The following NPEPPS variants were observed in gnomAD, a reference collection of about 807,000 sequenced individuals.
The protein encoded by NPEPPS is puromycin-sensitive aminopeptidase.
NPEPPS carries 14 observed loss-of-function variants against 115.5 expected under a neutral mutation model. The ratio of observed to expected loss-of-function variants is 0.12; its 90% confidence interval spans 0.08 to 0.19. The LOEUF is 0.19. Among genes scored for constraint, NPEPPS ranks in the 10% least tolerant of loss-of-function variants. The pLI is 1.00. For synonymous variants in NPEPPS, 285 were observed against 390.6 expected (o/e 0.73, Z 3.19); for missense variants, 523 against 1,110.8 (o/e 0.47, Z 7.52).
intron 18 of NPEPPS, 33 bp downstream of exon 18, chr17:47,612,635 A>G: frequency 1.3e-6 from 2 of 1,550,320 alleles, no homozygotes; most frequent in Middle Eastern, 1.8e-4. Flanking sequence ...CTTGACTTAT[A>G]GGTAACATCA....
At chr17:47,563,951 T>G (rs1910625053) in intron 2 of NPEPPS, among the ~76,000 whole-genome samples, 1 of 152,068 alleles carries the variant, frequency 6.6e-6, no homozygotes, top group Admixed American at 6.6e-5. Context: ...TTTTTTTCTT[T>G]GAGATGGAGT....
chr17:47,604,714 T>A (rs1198167239), intron 16 of NPEPPS, among the ~76,000 whole-genome samples: 2 of 152,248 alleles, frequency 1.3e-5, no homozygotes, highest in African/African-American at 4.8e-5. Flanking sequence ...AAACCTCACA[T>A]CTGCTGATCT....
At chr17:47,611,013 C>G (rs896246322) in intron 17 of NPEPPS, among the ~76,000 whole-genome samples, 1 of 151,312 alleles carries the variant, frequency 6.6e-6, no homozygotes, top group African/African-American at 2.4e-5. Context: ...GCCACTACAC[C>G]TGGCTAATTT....
chr17:47,613,590 G>T (rs1018814624), intron 18 of NPEPPS, 79 bp from the exon 19 acceptor site: 5 of 1,203,658 alleles, frequency 4.2e-6, no homozygotes, highest in Non-Finnish European at 6.1e-6. Flanking sequence ...TTGTTTACTT[G>T]CTTTCTGTCT....
chr17:47,538,625 G>A (rs949349377), intron 1 of NPEPPS, among the ~76,000 whole-genome samples: 2 of 151,142 alleles, frequency 1.3e-5, no homozygotes, highest in Admixed American at 1.3e-4. Flanking sequence ...CGCCTCCCGG[G>A]TTTAAGCGAT....
chr17:47,565,442 G>A (rs1823280295), intron 2 of NPEPPS, among the ~76,000 whole-genome samples: 2 of 146,824 alleles, frequency 1.4e-5, no homozygotes, highest in African/African-American at 5.2e-5. Flanking sequence ...GGAGGCGGAG[G>A]TTGCAGTGAG....
intron 19 of NPEPPS, among the ~76,000 whole-genome samples, chr17:47,615,153 C>G (rs1163809771): frequency 6.8e-6 from 1 of 147,742 alleles, no homozygotes; most frequent in Non-Finnish European, 1.5e-5. Flanking sequence ...TCTTGGCTCA[C>G]TGCAACCTCT....
At chr17:47,558,573 G>A (rs1273171754) in intron 2 of NPEPPS, among the ~76,000 whole-genome samples, 1 of 151,026 alleles carries the variant, frequency 6.6e-6, no homozygotes. Context: ...GGGATTACAT[G>A]CGCCTGCTAC....
chr17:47,541,344 A>G (rs1328141595), intron 1 of NPEPPS, among the ~76,000 whole-genome samples: 1 of 150,994 alleles, frequency 6.6e-6, no homozygotes, highest in Non-Finnish European at 1.5e-5. Context: ...ATTGGAGCAT[A>G]CCCCAGTAAG....
intron 2 of NPEPPS, among the ~76,000 whole-genome samples, chr17:47,550,000 T>G (rs1909522949): frequency 6.6e-6 from 1 of 150,770 alleles, no homozygotes; most frequent in South Asian, 2.1e-4. Context: ...AGTGGCGCAG[T>G]CTCGGCTCAC....
chr17:47,546,231 G>T (rs1036093649), intron 2 of NPEPPS, among the ~76,000 whole-genome samples: 2 of 152,100 alleles, frequency 1.3e-5, no homozygotes, highest in African/African-American at 4.8e-5. Flanking sequence ...TTTGAGACCA[G>T]CCTGGGCCAC....
chr17:47,600,326 A>G (rs1913115098), intron 14 of NPEPPS, among the ~76,000 whole-genome samples: 1 of 152,166 alleles, frequency 6.6e-6, no homozygotes, highest in African/African-American at 2.4e-5. Flanking sequence ...AGTCCCTGCT[A>G]CTTGGGAGCC....
At chr17:47,535,270 G>C (rs1049797324) in intron 1 of NPEPPS, among the ~76,000 whole-genome samples, 2 of 103,974 alleles carry the variant, frequency 1.9e-5, no homozygotes, top group South Asian at 3.1e-4. Context: ...AAAAAAAAAA[G>C]GCTGGGCGCG....
At chr17:47,621,434 C>G (rs1021669211) in intron 22 of NPEPPS, among the ~76,000 whole-genome samples, 4 of 152,150 alleles carry the variant, frequency 2.6e-5, no homozygotes, top group Non-Finnish European at 4.4e-5. Flanking sequence ...CTCACAGTCA[C>G]AAGCTAGTAC....
intron 1 of NPEPPS, among the ~76,000 whole-genome samples, chr17:47,532,104 G>T (rs537418212): frequency 1.3e-5 from 2 of 152,190 alleles, no homozygotes; most frequent in African/African-American, 4.8e-5. Context: ...GAGAGGGTGA[G>T]AACGAGAATG....
At chr17:47,560,320 T>C (rs575683951) in intron 2 of NPEPPS, among the ~76,000 whole-genome samples, 1 of 152,156 alleles carries the variant, frequency 6.6e-6, no homozygotes, top group African/African-American at 2.4e-5. Context: ...TTTAACGAAA[T>C]AGTTCACAGT....
chr17:47,539,722 A>T (rs1908614601), intron 1 of NPEPPS, among the ~76,000 whole-genome samples: 1 of 152,186 alleles, frequency 6.6e-6, no homozygotes, highest in African/African-American at 2.4e-5. Context: ...TTGCATTTTT[A>T]CATTAATGGT....
intron 15 of NPEPPS, 130 bp from the exon 16 acceptor site, chr17:47,603,785 G>A: frequency 1.4e-6 from 1 of 720,446 alleles, no homozygotes; most frequent in Non-Finnish European, 2.2e-6. Context: ...TAATCCATTA[G>A]TTGGCATAGA....
At chr17:47,601,086 A>G (rs1486455659) in intron 14 of NPEPPS, among the ~76,000 whole-genome samples, 2 of 151,830 alleles carry the variant, frequency 1.3e-5, no homozygotes, top group African/African-American at 2.4e-5. Context: ...AATATTGTAT[A>G]TTTTTGGGCA....
Sources: gnomAD v4.1 joint callset for allele counts (sites outside exome capture counted in the v4.1 genomes callset) on GRCh38, gnomAD v4.1.1 for gene constraint, MANE v1.5 for transcripts, NCBI Gene and HGNC (gene_info 2026-07-23, HGNC 2026-07-21) for gene names.